Variants in HEATR1 observed in about 807,000 individuals in gnomAD.
The protein encoded by HEATR1 is HEAT repeat-containing protein 1.
Under a neutral mutation model 248.2 loss-of-function variants are expected in HEATR1, and 77 were observed. That is an observed-to-expected ratio of 0.31 (90% CI 0.26 to 0.37). The LOEUF is 0.37. Among genes scored for constraint, HEATR1 ranks in the 10% least tolerant of loss-of-function variants. The pLI is 1.00. For missense variants in HEATR1, 2,420 were observed against 2,504.9 expected, an observed-to-expected ratio of 0.97 and a Z score of 0.72; for synonymous variants, 897 against 923.1, an observed-to-expected ratio of 0.97 and a Z score of 0.51.
Position 236,590,900 on chromosome 1 carries a change from G to T in HEATR1, c.1477C>A (p.Pro493Thr). Residue 493 changes from proline to threonine, a missense_variant, in exon 12 of 45, where the codon CCT (proline) becomes ACT (threonine). Coordinates refer to ENST00000366582, the MANE Select transcript of HEATR1 (RefSeq NM_018072.6). ...LMLSLNHPLA[P>T]VRILAMNHLK... is the part of the protein sequence containing the mutation. ...TGATTCATGGCCAGAATTCTCACAG[G>T]AGCAAGTGGATGATTCAGGCTGAGC... 1 of 1,522,060 alleles carries T rather than the reference G, an allele frequency of 6.6e-7. No homozygotes were observed. Among genetic ancestry groups the T allele is most frequent in the South Asian group, 1.4e-5 (1 of 73,944 alleles). The allele number at this position is 1,522,060 out of a possible 1,614,324, so 94.3% of individuals were successfully genotyped here.
intron 30 of HEATR1, 112 bp downstream of exon 30, chr1:236,566,534 G>T: frequency 2.5e-6 from 2 of 803,736 alleles, no homozygotes; most frequent in Non-Finnish European, 2.0e-6. Flanking sequence ...GAGCAAAAAG[G>T]TTCTAAATAA....
At chr1:236,556,849 A>G (rs1322378339) in intron 37 of HEATR1, among the ~76,000 whole-genome samples, 2 of 152,194 alleles carry the variant, frequency 1.3e-5, no homozygotes, top group African/African-American at 2.4e-5. Flanking sequence ...TACCTCTCAC[A>G]GTAGAAACAG....
Position 236,571,392 on chromosome 1 carries a change from G to C in HEATR1, c.3907C>G (p.His1303Asp), listed in dbSNP as rs553776325. The C allele has an allele frequency of 6.2e-7, 1 of 1,611,808 alleles. No individual in the cohort carries two copies. Among genetic ancestry groups the C allele is most frequent in the Admixed American group, 1.7e-5 (1 of 59,180 alleles). ...ACAGTGCCCAAAAGTAAAAGGGCAT[G>C]GTGATGGGTCTGCGGCATCTCCGAA... The part of the protein sequence containing the change: ...RLSEMPQTHH[H>D]ALLLLGTVAG... Residue 1303 changes from histidine (H) to aspartate (D), a missense_variant, in exon 28 of 45, where the codon CAT (histidine) becomes GAT (aspartate). Transcript: ENST00000366582.
At chr1:236,587,381 T>C in intron 14 of HEATR1, 21 bp downstream of exon 14, 2 of 1,174,372 alleles carry the variant, frequency 1.7e-6, no homozygotes, top group Non-Finnish European at 2.4e-6. Context: ...CAAAATAGTA[T>C]GAGGAGAAAT....
At chr1:236,600,842 T>C (rs746412605) in intron 3 of HEATR1, among the ~76,000 whole-genome samples, 1 of 152,160 alleles carries the variant, frequency 6.6e-6, no homozygotes, top group African/African-American at 2.4e-5. Context: ...GCCTCTTAGT[T>C]TGACATACGG....
At chr1:236,569,586 A>G (rs1663367451) in intron 28 of HEATR1, among the ~76,000 whole-genome samples, 1 of 152,232 alleles carries the variant, frequency 6.6e-6, no homozygotes, top group African/African-American at 2.4e-5. Flanking sequence ...GAATATAAGC[A>G]CAAATACTAC....
At chr1:236,568,367 C>T (rs781207974) in intron 29 of HEATR1, among the ~76,000 whole-genome samples, 5 of 152,190 alleles carry the variant, frequency 3.3e-5, no homozygotes, top group Admixed American at 6.5e-5. Flanking sequence ...AAAGAAGGTG[C>T]TGAATATGGT....
intron 33 of HEATR1, among the ~76,000 whole-genome samples, chr1:236,560,163 T>C (rs1262368806): frequency 6.6e-6 from 1 of 150,408 alleles, no homozygotes; most frequent in Non-Finnish European, 1.5e-5. Context: ...GCTGTCCAAG[T>C]GGGGTGTTCA....
At chr1:236,577,065 C>T (rs184476566) in intron 20 of HEATR1, 116 bp from the exon 21 acceptor site, 1 of 710,716 alleles carries the variant, frequency 1.4e-6, no homozygotes. Context: ...CAAACTCCTT[C>T]TCTGTTCACT....
At chr1:236,557,134 T>C in intron 37 of HEATR1, 61 bp downstream of exon 37, 1 of 1,544,892 alleles carries the variant, frequency 6.5e-7, no homozygotes, top group South Asian at 1.2e-5. Flanking sequence ...AATCACTACA[T>C]TTGTGATCTT....
At chr1:236,583,941 T>C (rs1345656219) in intron 17 of HEATR1, among the ~76,000 whole-genome samples, 1 of 151,968 alleles carries the variant, frequency 6.6e-6, no homozygotes. Flanking sequence ...AGCAGCAAAA[T>C]GTTAGGTGTT....
chr1:236,603,121 T>A, intron 3 of HEATR1, 39 bp downstream of exon 3: 2 of 1,495,114 alleles, frequency 1.3e-6, no homozygotes, highest in East Asian at 4.5e-5. Flanking sequence ...AAGACCAAAG[T>A]GATTAACCCA....
intron 36 of HEATR1, 69 bp downstream of exon 36, chr1:236,558,168 C>T: frequency 6.8e-7 from 1 of 1,461,192 alleles, no homozygotes. Flanking sequence ...AAAAAAAAGT[C>T]ACCAAAGTGT....
chr1:236,585,892 T>A lies in HEATR1; in HGVS notation c.1977A>T (p.Val659=). ...ACAACTCAATCATCTTCTGATTTGC[T>A]ACACCGATTAGTTTTCCTGGCTTTG... ...KSTKPGKLIG[V]ANQKMIELLA... Residue 659 remains valine, a synonymous_variant, in exon 16 of 45, where the codon GTA becomes GTT. Transcript: ENST00000366582. The A allele has an allele frequency of 1.2e-6, 2 of 1,613,300 alleles. No individual in the cohort carries two copies. Among genetic ancestry groups the A allele is most frequent in the Non-Finnish European group, 1.7e-6 (2 of 1,179,416 alleles).
chr1:236,586,504 T>C (rs778394826), intron 14 of HEATR1, 52 bp from the exon 15 acceptor site: 11 of 1,268,188 alleles, frequency 8.7e-6, no homozygotes, highest in African/African-American at 6.0e-5. Context: ...AAGGCTTCAA[T>C]TGGGCAAAAA....
chr1:236,551,878 G>A, intron 44 of HEATR1, 121 bp downstream of exon 44: 1 of 691,090 alleles, frequency 1.4e-6, no homozygotes, highest in Non-Finnish European at 2.5e-6. Flanking sequence ...GCCTGTATGA[G>A]GACTGGATCA....
intron 36 of HEATR1, among the ~76,000 whole-genome samples, chr1:236,557,562 A>G (rs2103125341): frequency 6.6e-6 from 1 of 152,384 alleles, no homozygotes; most frequent in South Asian, 2.1e-4. Flanking sequence ...AAAAATAACA[A>G]TGTCTTTCAT....
At chr1:236,585,707 T>C (rs1663866326) in intron 16 of HEATR1, 113 bp downstream of exon 16, 2 of 862,778 alleles carry the variant, frequency 2.3e-6, no homozygotes, top group Non-Finnish European at 3.6e-6. Flanking sequence ...TAAAACCAAG[T>C]ACTCAAGAAT....
rs1662886778 is a variant in HEATR1, at chr1:236,554,546, G to C, written c.6078+52C>G. Reference sequence around the variant, plus strand: ...TTTGAGCAGATCTAAAACCTGCCAAGCTCGAACAGTGATGGCTTCCTCAGC... The same window carrying C: ...TTTGAGCAGATCTAAAACCTGCCAACCTCGAACAGTGATGGCTTCCTCAGC... On this transcript the variant is annotated intron_variant, in intron 42 of 44. Transcript: ENST00000366582. 2.6e-6 allele frequency: 4 copies of C among 1,566,654 alleles called. No individual in the cohort carries two copies. The Admixed American group carries it at 7.7e-5, about 30-fold the overall frequency.
Sources: allele counts gnomAD v4.1 joint callset (sites outside exome capture counted in the v4.1 genomes callset), GRCh38; gene constraint gnomAD v4.1.1; transcripts MANE v1.5; gene names NCBI Gene and HGNC (gene_info 2026-07-23, HGNC 2026-07-21).